C5: variants seen among roughly 807,000 people sequenced by gnomAD.
C5 encodes complement C5.
C5 carries 140 observed loss-of-function variants against 218.8 expected under a neutral mutation model. The ratio of observed to expected loss-of-function variants is 0.64; its 90% confidence interval spans 0.56 to 0.74. The LOEUF (loss-of-function observed/expected upper bound fraction) is 0.74. Ranked by LOEUF, C5 falls within the 30% of genes least tolerant of loss-of-function variation. C5 has a pLI of 0.00. For synonymous variants in C5, 614 were observed against 682.3 expected, an observed-to-expected ratio of 0.90 and a Z score of 1.56; for missense variants, 1,700 against 1,969.6, an observed-to-expected ratio of 0.86 and a Z score of 2.59.
the C5 span, among the ~76,000 whole-genome samples, chr9:121,068,494 G>T: frequency 6.6e-6 from 1 of 152,010 alleles, no homozygotes; most frequent in African/African-American, 2.4e-5. Context: ...CAAACAAATG[G>T]AAAGACATCT....
At position 121,027,222 on chromosome 9, in the gene C5, T is replaced by C. The variant is rs748618622; in HGVS notation, c.811A>G (p.Ile271Val). 6.2e-7 allele frequency: 1 copy of C among 1,603,636 alleles called. No homozygotes were observed. The highest frequency in any genetic ancestry group is 8.5e-7 in the Non-Finnish European group (1 of 1,171,784). The stretch of plus-strand genomic sequence containing the variant: ...TGATCATCTTTTAAGTCTTCTCTTA[T>C]TCCAAATGTGATATAAACGTCAGCC... ...TEADVYITFGIREDLKDDQKE... is the reference protein window; with the variant it reads ...TEADVYITFGVREDLKDDQKE... The change falls in exon 8 of 41, where the codon ATA becomes GTA. Residue 271 changes from isoleucine (I) to valine (V), a missense_variant. Coordinates refer to ENST00000223642, the MANE Select transcript of C5 (RefSeq NM_001735.3).
intron 22 of C5, among the ~76,000 whole-genome samples, chr9:120,994,934 AAAAAG>A (rs2047105355): frequency 6.6e-6 from 1 of 152,054 alleles, no homozygotes; most frequent in Non-Finnish European, 1.5e-5. Context: ...AAAAAAAAAA[AAAAAG>A]AAAGAGAAGC....
chr9:121,008,349 G>T, intron 18 of C5, 59 bp downstream of exon 18: 1 of 1,182,904 alleles, frequency 8.5e-7, no homozygotes, highest in Non-Finnish European at 1.3e-6. Context: ...CTAGATTTTT[G>T]GCCATAATAC....
In C5 at chr9:121,016,956, G is replaced by T. The variant is rs146751862; in HGVS notation, c.1866+406C>A. ...TAATAAGATAAATAGGAACTTATGA[G>T]AATTGAATGATTTTGAGATTCTTCT... On this transcript the variant is annotated intron_variant, in intron 14 of 40. Coordinates refer to ENST00000223642, the MANE Select transcript of C5 (RefSeq NM_001735.3). Among the ~76,000 whole-genome samples the T allele has an allele frequency of 6.4e-4, 98 of 152,148 alleles. 1 individual carries two copies. In the East Asian group the frequency reaches 0.016, roughly 24 times the overall value.
chr9:120,993,332 G>C (rs1295333494), intron 22 of C5, among the ~76,000 whole-genome samples: 1 of 152,158 alleles, frequency 6.6e-6, no homozygotes, highest in Non-Finnish European at 1.5e-5. Flanking sequence ...GAAATATATT[G>C]TATATACAGT....
intron 20 of C5, among the ~76,000 whole-genome samples, chr9:120,999,418 T>C (rs1025993401): frequency 1.3e-4 from 20 of 152,184 alleles, no homozygotes; most frequent in Admixed American, 1.1e-3. Flanking sequence ...CCTGACATCA[T>C]ACTGGTTTAG....
intron 25 of C5, among the ~76,000 whole-genome samples, chr9:120,988,118 T>C (rs1211760969): frequency 6.6e-6 from 1 of 152,210 alleles, no homozygotes; most frequent in Non-Finnish European, 1.5e-5. Context: ...GACTGCCATA[T>C]GGACTCTTAA....
At chr9:120,988,090 C>T (rs1195890573) in intron 25 of C5, among the ~76,000 whole-genome samples, 5 of 152,258 alleles carry the variant, frequency 3.3e-5, no homozygotes, top group Non-Finnish European at 5.9e-5. Flanking sequence ...CATGCCCAGC[C>T]GGTATTTTTT....
rs377213091 is a variant in C5, at chr9:120,962,917, T to C, written c.4374A>G (p.Gly1458=). 6.2e-7 allele frequency: 1 copy of C among 1,614,138 alleles called. No individual in the cohort carries two copies. Among genetic ancestry groups the C allele is most frequent in the Non-Finnish European group, 8.5e-7 (1 of 1,179,960 alleles). ...QLFTDYQIKD[G]HVILQLNSIP... ...CCGAATTCAGTTGCAGAATAACATG[T>C]CCATCTTTGATTTGGTAATCAGTGA... The change falls in exon 35 of 41, where the codon GGA becomes GGG. Residue 1458 remains glycine, a synonymous_variant. Transcript: ENST00000223642.
chr9:121,034,607 G>A (rs933649227), intron 5 of C5, among the ~76,000 whole-genome samples, 196 bp downstream of exon 5: 3 of 152,170 alleles, frequency 2.0e-5, no homozygotes, highest in Admixed American at 1.3e-4. Flanking sequence ...ATTTCTATAT[G>A]TAAAAAGAAT....
chr9:120,967,557 G>A (rs1382615455), intron 33 of C5, among the ~76,000 whole-genome samples: 2 of 152,034 alleles, frequency 1.3e-5, no homozygotes, highest in Non-Finnish European at 2.9e-5. Flanking sequence ...GACAATACAA[G>A]AGTTAAGAAA....
chr9:121,050,410 C>T, upstream of C5: 1 of 657,192 alleles, frequency 1.5e-6, no homozygotes, highest in African/African-American at 1.8e-5. Context: ...CCTTTCATGC[C>T]CAGGAATACA....
At chr9:121,065,833 G>C in the C5 span, among the ~76,000 whole-genome samples, 1 of 151,690 alleles carries the variant, frequency 6.6e-6, no homozygotes, top group African/African-American at 2.4e-5. Flanking sequence ...TTAATAAAAG[G>C]GTAAAGAAGA....
chr9:121,045,974 A>T (rs950350998), intron 2 of C5, among the ~76,000 whole-genome samples: 10 of 152,264 alleles, frequency 6.6e-5, no homozygotes, highest in South Asian at 2.1e-4. Flanking sequence ...GAAAATGGAC[A>T]TGCATTGCTC....
Position 120,960,324 on chromosome 9 carries a change from T to G in C5, c.4602A>C (p.Gln1534His). ...ACKCVEADCG[Q>H]MQEELDLTIS... ...TTGTCAGATCCAATTCTTCCTGCAT[T>G]TGCCCACAATCAGCTGGATTTTGTG... Residue 1534 changes from glutamine to histidine, a missense_variant, in exon 38 of 41, where the codon CAA becomes CAC. Physicochemically the swap from Gln to His is conservative, Grantham distance 24. Transcript: ENST00000223642. The G allele has an allele frequency of 6.2e-7, 1 of 1,612,560 alleles. No homozygotes were observed. Among genetic ancestry groups the G allele is most frequent in the Non-Finnish European group, 8.5e-7 (1 of 1,178,980 alleles).
chr9:121,063,636 A>T, the C5 span, among the ~76,000 whole-genome samples: 3 of 152,174 alleles, frequency 2.0e-5, no homozygotes, highest in Non-Finnish European at 4.4e-5. Context: ...AAATAATAGA[A>T]TAGAGCAACC....
intron 2 of C5, among the ~76,000 whole-genome samples, chr9:121,044,157 C>A (rs1020026329): frequency 6.6e-6 from 1 of 152,076 alleles, no homozygotes; most frequent in African/African-American, 2.4e-5. Flanking sequence ...CCTTTAAGTT[C>A]TTTCTCCCCT....
intron 20 of C5, chr9:120,999,763 G>T (rs1365799476): frequency 6.5e-6 from 2 of 308,384 alleles, no homozygotes; most frequent in Non-Finnish European, 1.3e-5. Flanking sequence ...ACACTCAGGA[G>T]GAAAGGTAAT....
At chr9:121,008,958 T>C (rs199573520) in intron 17 of C5, among the ~76,000 whole-genome samples, 1 of 102,518 alleles carries the variant, frequency 9.8e-6, no homozygotes, top group Non-Finnish European at 2.1e-5. Context: ...ACAAACAAAC[T>C]ATAAAGGCCT....
Sources: allele counts gnomAD v4.1 joint callset (sites outside exome capture counted in the v4.1 genomes callset), GRCh38; gene constraint gnomAD v4.1.1; transcripts MANE v1.5; gene names NCBI Gene and HGNC (gene_info 2026-07-23, HGNC 2026-07-21).